The following JAK2 variants were observed in gnomAD, a reference collection of about 807,000 sequenced individuals.
The protein encoded by JAK2 is tyrosine-protein kinase JAK2.
Under a neutral mutation model 139.3 loss-of-function variants are expected in JAK2, and 86 were observed. That is an observed-to-expected ratio of 0.62 (90% CI 0.52 to 0.74). The LOEUF (loss-of-function observed/expected upper bound fraction) is 0.74, where lower values mean the gene tolerates loss of function less well. JAK2 is among the 30% of genes least tolerant of loss of function. The pLI is 0.00. For synonymous variants in JAK2, 490 were observed against 437.7 expected (o/e 1.12, Z -1.49); for missense variants, 1,421 against 1,360.3 (o/e 1.04, Z -0.70).
intron 2 of JAK2, among the ~76,000 whole-genome samples, chr9:5,012,584 T>G (rs972493629): frequency 3.9e-5 from 6 of 152,188 alleles, no homozygotes; most frequent in Non-Finnish European, 8.8e-5. Flanking sequence ...GATCCCGAAA[T>G]TATACCGTAT....
chr9:5,080,958 C>CT (rs1171034751), intron 18 of JAK2, among the ~76,000 whole-genome samples: 24 of 140,452 alleles, frequency 1.7e-4, no homozygotes, highest in Admixed American at 1.3e-3. Context: ...TGCAGTGGCG[C>CT]GATCTCGGCT....
chr9:5,125,323 G>A (rs1823905251), intron 23 of JAK2, among the ~76,000 whole-genome samples: 1 of 151,052 alleles, frequency 6.6e-6, no homozygotes, highest in African/African-American at 2.4e-5. Context: ...GTTTCATGAA[G>A]TATTACAGCA....
rs890331033 is a variant in JAK2, at chr9:5,103,107, A to G, written c.3059+12196A>G. On this transcript the variant is annotated intron_variant, in intron 22 of 24. Coordinates refer to ENST00000381652, the MANE Select transcript of JAK2 (RefSeq NM_004972.4). Reference sequence around the variant, plus strand: ...TAAAAAACACAAACTGGCAAATTGGATAAAGATTGAAGACCCATCACTGTG... The same window carrying G: ...TAAAAAACACAAACTGGCAAATTGGGTAAAGATTGAAGACCCATCACTGTG... Among the ~76,000 whole-genome samples the G allele has an allele frequency of 2.0e-5, 3 of 151,758 alleles. No homozygotes were observed. The South Asian group carries it at 6.2e-4, about 32-fold the overall frequency.
chr9:5,065,158 A>G, intron 9 of JAK2, 118 bp downstream of exon 9: 1 of 566,942 alleles, frequency 1.8e-6, no homozygotes, highest in Non-Finnish European at 2.8e-6. Flanking sequence ...AGTTTTTTTT[A>G]AACAAAAGGC....
intron 4 of JAK2, among the ~76,000 whole-genome samples, chr9:5,039,341 C>G (rs930205527): frequency 1.3e-5 from 2 of 152,014 alleles, no homozygotes; most frequent in African/African-American, 4.8e-5. Flanking sequence ...TCATTACTCC[C>G]TAAAGAATAC....
At chr9:5,052,014 T>TG (rs1817448458) in intron 6 of JAK2, among the ~76,000 whole-genome samples, 1 of 152,082 alleles carries the variant, frequency 6.6e-6, no homozygotes, top group Non-Finnish European at 1.5e-5. Context: ...ATTGAATACT[T>TG]GCTGTATGCC....
intron 22 of JAK2, chr9:5,110,962 A>T: frequency 3.3e-6 from 2 of 601,348 alleles, no homozygotes; most frequent in Non-Finnish European, 6.2e-6. Context: ...CAAGGAGCTC[A>T]GTAACCTGGA....
At chr9:5,011,934 C>G (rs1049320809) in intron 2 of JAK2, among the ~76,000 whole-genome samples, 1 of 152,150 alleles carries the variant, frequency 6.6e-6, no homozygotes, top group African/African-American at 2.4e-5. Context: ...GAGATATTTA[C>G]CAGTTCCCTC....
chr9:5,005,837 T>C (rs1821263104), intron 2 of JAK2, among the ~76,000 whole-genome samples: 1 of 152,246 alleles, frequency 6.6e-6, no homozygotes, highest in Admixed American at 6.5e-5. Context: ...GGCTCTGTTC[T>C]GTTCCATTGA....
chr9:5,010,786 G>A (rs533823612), intron 2 of JAK2, among the ~76,000 whole-genome samples: 1 of 152,258 alleles, frequency 6.6e-6, no homozygotes, highest in African/African-American at 2.4e-5. Flanking sequence ...GTGTGAGTTT[G>A]TTGGTGATGT....
intron 22 of JAK2, chr9:5,112,513 C>A (rs1299127273): frequency 3.5e-6 from 2 of 568,952 alleles, no homozygotes; most frequent in Admixed American, 2.7e-5. Flanking sequence ...TGACCTTTTC[C>A]CCCCAGAGCA....
intron 4 of JAK2, chr9:5,040,919 C>T: frequency 3.0e-6 from 1 of 333,590 alleles, no homozygotes; most frequent in Non-Finnish European, 5.7e-6. Flanking sequence ...CAGACGCTGC[C>T]GGCAGCCTGG....
rs550298986 is a variant in JAK2, at chr9:5,106,321, G to A, written c.3059+15410G>A. 5.3e-5 allele frequency among the ~76,000 whole-genome samples: 8 copies of A among 152,338 alleles called. No individual in the cohort carries two copies. The East Asian group carries it at 1.5e-3, about 29-fold the overall frequency. On this transcript the variant is annotated intron_variant, in intron 22 of 24. Transcript: ENST00000381652. ...ATGCTTATCATCACTGGTCATCAGA[G>A]AAATGGAAATCAAAACCACAATGAG...
At chr9:5,112,894 G>A in intron 22 of JAK2, 1 of 358,282 alleles carries the variant, frequency 2.8e-6, no homozygotes. Context: ...CAGCCCCGTG[G>A]GCTGGGCCCA....
chr9:5,040,422 G>T (rs545291726), intron 4 of JAK2, among the ~76,000 whole-genome samples: 8 of 152,236 alleles, frequency 5.3e-5, no homozygotes, highest in Middle Eastern at 6.8e-3. Context: ...GACACCAAAA[G>T]CTCAAGTGAC....
intron 22 of JAK2, among the ~76,000 whole-genome samples, chr9:5,115,784 C>A (rs560446019): frequency 2.0e-5 from 3 of 152,208 alleles, no homozygotes; most frequent in African/African-American, 7.2e-5. Flanking sequence ...AGCTAGAAAC[C>A]ATAATTCTCA....
At chr9:5,083,680 C>G (rs1335128427) in intron 19 of JAK2, among the ~76,000 whole-genome samples, 1 of 151,994 alleles carries the variant, frequency 6.6e-6, no homozygotes, top group Non-Finnish European at 1.5e-5. Flanking sequence ...GGAATATATA[C>G]TGGTATTTAA....
intron 5 of JAK2, among the ~76,000 whole-genome samples, chr9:5,047,908 T>G (rs1817129324): frequency 1.3e-5 from 2 of 152,110 alleles, no homozygotes; most frequent in African/African-American, 4.8e-5. Context: ...GCCTGAAATT[T>G]TTCAGTAGTT....
chr9:5,095,765 A>G (rs959201512), intron 22 of JAK2, among the ~76,000 whole-genome samples: 4 of 151,958 alleles, frequency 2.6e-5, no homozygotes, highest in African/African-American at 9.7e-5. Context: ...ATCTTAACCT[A>G]CTCCTCAATT....
Sources: gnomAD v4.1 joint callset for allele counts (sites outside exome capture counted in the v4.1 genomes callset) on GRCh38, gnomAD v4.1.1 for gene constraint, MANE v1.5 for transcripts, NCBI Gene and HGNC (gene_info 2026-07-23, HGNC 2026-07-21) for gene names.